Variants in ACOT7 observed in about 807,000 individuals in gnomAD.
The protein encoded by ACOT7 is acyl-CoA thioesterase 7.
In ACOT7, 12 loss-of-function variants were observed where a neutral mutation model predicts 40.2. The ratio of observed to expected loss-of-function variants is 0.30; its 90% CI spans 0.19 to 0.48. ACOT7 has a LOEUF of 0.48. ACOT7 is among the 20% of genes least tolerant of loss of function. ACOT7 has a pLI of 0.99. For missense variants in ACOT7, 395 were observed against 530.8 expected, an observed-to-expected ratio of 0.74 and a Z score of 2.51; for synonymous variants, 228 against 219.5, an observed-to-expected ratio of 1.04 and a Z score of -0.34.
rs972729263 is a variant in ACOT7, at chr1:6,299,103, T to A, written c.713-4123A>T. Among the ~76,000 whole-genome samples, 2 of 152,124 alleles carry A rather than the reference T, an allele frequency of 1.3e-5. No homozygotes were observed. Among genetic ancestry groups the A allele is most frequent in the African/African-American group, 4.8e-5 (2 of 41,436 alleles). On this transcript the variant is annotated intron_variant, in intron 6 of 8. Transcript: ENST00000361521. This position sits in a 1 kb window ranked among gnomAD's most constrained non-coding sequence, Gnocchi z 4.1. ...TAGCCTGGCTGGGAGTGAGTCCCCATCACCTCCGCCACTGCCGGCTGGGTG... is the reference window on the plus strand; with the variant it reads ...TAGCCTGGCTGGGAGTGAGTCCCCAACACCTCCGCCACTGCCGGCTGGGTG...
At chr1:6,268,705 G>T (rs1389084022) in intron 8 of ACOT7, among the ~76,000 whole-genome samples, 1 of 152,218 alleles carries the variant, frequency 6.6e-6, no homozygotes, top group South Asian at 2.1e-4. Context: ...GGAGATCTCC[G>T]CCCAAGAGCG....
At chr1:6,318,466 GAGT>G in intron 6 of ACOT7, 23 bp downstream of exon 6, 1 of 1,608,530 alleles carries the variant, frequency 6.2e-7, no homozygotes, top group South Asian at 1.1e-5. Context: ...GACAGGAATG[GAGT>G]GGCCAGGGCG....
At chr1:6,349,471 C>T (rs551460666) in intron 2 of ACOT7, among the ~76,000 whole-genome samples, 4 of 152,200 alleles carry the variant, frequency 2.6e-5, no homozygotes, top group Non-Finnish European at 5.9e-5. Context: ...GCCAGGTTGG[C>T]GGGGGACTCG....
At chr1:6,336,318 A>G (rs557951460) in intron 3 of ACOT7, among the ~76,000 whole-genome samples, 9 of 138,346 alleles carry the variant, frequency 6.5e-5, no homozygotes, top group African/African-American at 2.5e-4. Flanking sequence ...TGCACGACAG[A>G]GCAAGACTCG....
intron 8 of ACOT7, among the ~76,000 whole-genome samples, chr1:6,277,351 C>T (rs1489211994): frequency 2.0e-5 from 3 of 152,246 alleles, no homozygotes; most frequent in Non-Finnish European, 2.9e-5. Flanking sequence ...CGCCTGCAGC[C>T]GCTGCCAACC....
intron 7 of ACOT7, among the ~76,000 whole-genome samples, chr1:6,291,023 G>C (rs1452971029): frequency 6.6e-6 from 1 of 152,190 alleles, no homozygotes; most frequent in Non-Finnish European, 1.5e-5. Flanking sequence ...CAGAGACAGA[G>C]GCAGCTTGGG....
At chr1:6,318,456 G>C in intron 6 of ACOT7, 36 bp downstream of exon 6, 1 of 1,600,482 alleles carries the variant, frequency 6.2e-7, no homozygotes, top group South Asian at 1.1e-5. Context: ...TGAGCCAAGG[G>C]ACAGGAATGG....
intron 7 of ACOT7, among the ~76,000 whole-genome samples, chr1:6,287,459 G>A (rs928175738): frequency 2.6e-5 from 4 of 152,280 alleles, no homozygotes; most frequent in Non-Finnish European, 5.9e-5. Flanking sequence ...GTCTCACTGG[G>A]CTGTGTGAGA....
At chr1:6,329,072 C>T (rs576183498) in intron 4 of ACOT7, among the ~76,000 whole-genome samples, 47 of 152,408 alleles carry the variant, frequency 3.1e-4, no homozygotes, top group African/African-American at 1.0e-3. Flanking sequence ...CTGGGCCCCT[C>T]GGCCGCCTGT....
At chr1:6,357,589 C>G (rs1031091636) in intron 1 of ACOT7, among the ~76,000 whole-genome samples, 1 of 152,244 alleles carries the variant, frequency 6.6e-6, no homozygotes, top group Non-Finnish European at 1.5e-5. Flanking sequence ...GGGGCCACCA[C>G]CTGGGGCCTG....
rs939037877 is a variant in ACOT7, at chr1:6,274,824, C to T, written c.1014+6278G>A. Reference sequence around the variant, plus strand: ...CTGGGCTGAGCGCGGTGTGGGTGGGCGGCGCAGTGCAGGTGGGCAGCGCGT... The same window carrying T: ...CTGGGCTGAGCGCGGTGTGGGTGGGTGGCGCAGTGCAGGTGGGCAGCGCGT... On this transcript the variant is annotated intron_variant, in intron 8 of 8. Coordinates refer to ENST00000361521, the MANE Select transcript of ACOT7 (RefSeq NM_007274.4). The surrounding 1 kb of genome is among the most constrained non-coding windows in gnomAD (Gnocchi z 5.9). Among the ~76,000 whole-genome samples the T allele has an allele frequency of 4.6e-5, 7 of 152,146 alleles. No homozygotes were observed. The highest frequency in any genetic ancestry group is 9.7e-5 in the African/African-American group (4 of 41,428).
intron 1 of ACOT7, among the ~76,000 whole-genome samples, chr1:6,367,942 G>C (rs911027919): frequency 6.6e-6 from 1 of 152,226 alleles, no homozygotes; most frequent in African/African-American, 2.4e-5. Flanking sequence ...GGTCATCCCA[G>C]TGAGTGTTCA....
At chr1:6,277,924 G>A (rs1161306499) in intron 8 of ACOT7, among the ~76,000 whole-genome samples, 4 of 152,308 alleles carry the variant, frequency 2.6e-5, no homozygotes, top group African/African-American at 2.4e-5. Flanking sequence ...GGTGGGCACC[G>A]TGTCCATCAC....
Position 6,282,843 on chromosome 1 carries a change from C to T in ACOT7, c.830-1557G>A, listed in dbSNP as rs1258560491. On this transcript the variant is annotated intron_variant, in intron 7 of 8. Transcript: ENST00000361521. The surrounding 1 kb of genome is among the most constrained non-coding windows in gnomAD (Gnocchi z 4.5). ...GCAAAGCGCCCGCAGTCACAAGACG[C>T]ACCCCGGGAGGAGGGCAGGCCATGG... 2 of 1,280,686 alleles carry T rather than the reference C, an allele frequency of 1.6e-6. No homozygotes were observed. The highest frequency in any genetic ancestry group is 3.1e-5 in the African/African-American group (2 of 65,360). 79.3% of individuals were successfully genotyped at this position (1,280,686 alleles called of 1,614,324 possible).
chr1:6,383,947 G>T (rs1362668452), intron 1 of ACOT7, among the ~76,000 whole-genome samples: 4 of 150,858 alleles, frequency 2.7e-5, no homozygotes, highest in Non-Finnish European at 5.9e-5. Flanking sequence ...CTCGTGATCC[G>T]CCCGCCTCGG....
chr1:6,318,386 C>T, intron 6 of ACOT7, 106 bp downstream of exon 6: 1 of 1,273,390 alleles, frequency 7.9e-7, no homozygotes, highest in South Asian at 1.3e-5. Context: ...GTTTGTACTT[C>T]ACCAAACACA....
intron 8 of ACOT7, among the ~76,000 whole-genome samples, chr1:6,276,396 C>T (rs577238157): frequency 3.9e-5 from 6 of 152,244 alleles, no homozygotes; most frequent in South Asian, 2.1e-4. Flanking sequence ...CCTGCCTCTA[C>T]GCGCTGAGTT....
intron 8 of ACOT7, among the ~76,000 whole-genome samples, chr1:6,268,051 A>G (rs1488771295): frequency 6.6e-6 from 1 of 152,246 alleles, no homozygotes; most frequent in Non-Finnish European, 1.5e-5. Context: ...ACATATACAC[A>G]GAGGCAGAAA....
chr1:6,332,423 G>A (rs905438264), intron 4 of ACOT7, among the ~76,000 whole-genome samples: 2 of 152,206 alleles, frequency 1.3e-5, no homozygotes, highest in African/African-American at 4.8e-5. Context: ...TATTCCCAAC[G>A]TCTCCCCTCC....
Sources: allele counts gnomAD v4.1 joint callset (sites outside exome capture counted in the v4.1 genomes callset), GRCh38; gene constraint gnomAD v4.1.1; non-coding constraint Gnocchi (gnomAD v3.1); transcripts MANE v1.5; gene names NCBI Gene and HGNC (gene_info 2026-07-23, HGNC 2026-07-21).